Variants in CORIN observed in about 807,000 individuals in gnomAD.
CORIN encodes the protein atrial natriuretic peptide-converting enzyme.
CORIN carries 117 observed loss-of-function variants against 125.3 expected under a neutral mutation model. That is an observed-to-expected ratio of 0.93 (90% CI 0.80 to 1.09). The LOEUF (loss-of-function observed/expected upper bound fraction) is 1.09, where lower values mean the gene tolerates loss of function less well. Among genes scored for constraint, CORIN ranks in the 50% least tolerant of loss-of-function variants. CORIN has a pLI of 0.00. For synonymous variants in CORIN, 450 were observed against 466.4 expected (o/e 0.96, Z 0.45); for missense variants, 1,253 against 1,306.7 (o/e 0.96, Z 0.63).
intron 5 of CORIN, among the ~76,000 whole-genome samples, chr4:47,695,066 A>T (rs1176878566): frequency 2.0e-5 from 3 of 152,208 alleles, no homozygotes; most frequent in Non-Finnish European, 4.4e-5. Flanking sequence ...TCAACTGCCA[A>T]AATATCCAAC....
chr4:47,695,041 T>C (rs1240476202), intron 5 of CORIN, among the ~76,000 whole-genome samples: 1 of 152,170 alleles, frequency 6.6e-6, no homozygotes, highest in Non-Finnish European at 1.5e-5. Flanking sequence ...TCAATACAAA[T>C]TACATCTATG....
At chr4:47,698,221 C>T (rs1325598793) in intron 5 of CORIN, among the ~76,000 whole-genome samples, 2 of 151,572 alleles carry the variant, frequency 1.3e-5, no homozygotes, top group East Asian at 1.9e-4. Context: ...GAAGAGAGTA[C>T]TGCAGGGTAA....
intron 19 of CORIN, among the ~76,000 whole-genome samples, chr4:47,623,135 C>T (rs114676666): frequency 1.6e-4 from 24 of 149,394 alleles, no homozygotes; most frequent in African/African-American, 5.7e-4. Flanking sequence ...CACACACACT[C>T]TCTCTGAATA....
chr4:47,773,984 G>A (rs1382682107), intron 3 of CORIN, among the ~76,000 whole-genome samples: 1 of 151,696 alleles, frequency 6.6e-6, no homozygotes, highest in East Asian at 1.9e-4. Flanking sequence ...TTTTCATATT[G>A]TCTTTGCTTT....
chr4:47,676,572 T>C (rs1053379111), intron 9 of CORIN, among the ~76,000 whole-genome samples: 3 of 152,204 alleles, frequency 2.0e-5, no homozygotes, highest in Non-Finnish European at 4.4e-5. Context: ...CCCAGGAGTC[T>C]GCAAGCTCCA....
Position 47,623,691 on chromosome 4 carries a change from G to A in CORIN, c.2420C>T (p.Thr807Met), listed in dbSNP as rs536003106. 27 of 1,614,202 alleles carry A rather than the reference G, an allele frequency of 1.7e-5. No individual in the cohort carries two copies. The African/African-American group carries it at 1.7e-4, about 10-fold the overall frequency. ...RMNKRILGGR[T>M]SRPGRWPWQC... ...CCATGGCCACCTTCCAGGGCGACTC[G>A]TCCGACCTCCAAGGATCCTTTTGTT... Residue 807 changes from threonine to methionine, a missense_variant, in exon 19 of 22, where the codon ACG becomes ATG. By Grantham distance (81) the Thr-to-Met change is moderately conservative (BLOSUM62 -1). Transcript: ENST00000273857.
At chr4:47,774,849 A>G (rs1730220908) in intron 3 of CORIN, among the ~76,000 whole-genome samples, 1 of 152,226 alleles carries the variant, frequency 6.6e-6, no homozygotes, top group Admixed American at 6.5e-5. Flanking sequence ...AAAATAAGCC[A>G]GTCACAAAAG....
intron 2 of CORIN, among the ~76,000 whole-genome samples, chr4:47,798,746 A>T (rs747251571): frequency 6.6e-6 from 1 of 152,066 alleles, no homozygotes; most frequent in Admixed American, 6.6e-5. Flanking sequence ...AAGTTGTAAC[A>T]TGTGTATATT....
chr4:47,719,110 T>C (rs1048437019), intron 5 of CORIN, among the ~76,000 whole-genome samples: 3 of 152,200 alleles, frequency 2.0e-5, no homozygotes, highest in East Asian at 3.8e-4. Flanking sequence ...CCAACTGATA[T>C]GCCAGGAAAT....
chr4:47,765,077 C>T (rs1314976811), intron 3 of CORIN, among the ~76,000 whole-genome samples: 7 of 151,996 alleles, frequency 4.6e-5, no homozygotes, highest in South Asian at 2.1e-4. Context: ...TTTGGGAGGC[C>T]GAGGCAGGCA....
rs189508735 is a variant in CORIN, at chr4:47,608,141, C to G, written c.2541-4473G>C. ...TTCAAGGCCAGCCTGGCCAGCATGG[C>G]AAAACCCCATTTCTACAAAAAATAC... On this transcript the variant is annotated intron_variant, in intron 19 of 21. Coordinates refer to ENST00000273857, the MANE Select transcript of CORIN (RefSeq NM_006587.4). Among the ~76,000 whole-genome samples, 5 of 151,922 alleles carry G rather than the reference C, an allele frequency of 3.3e-5. 1 individual carries two copies. Among genetic ancestry groups the G allele is most frequent in the African/African-American group, 1.2e-4 (5 of 41,422 alleles).
intron 4 of CORIN, among the ~76,000 whole-genome samples, chr4:47,745,623 T>C (rs1052430097): frequency 6.6e-6 from 1 of 152,190 alleles, no homozygotes; most frequent in African/African-American, 2.4e-5. Flanking sequence ...TCCTGGTGTT[T>C]CAAGTTTCAG....
Position 47,623,426 on chromosome 4 carries a change from C to T in CORIN, c.2540+145G>A, listed in dbSNP as rs138741732. ...AGATGGCAACATCAAGGATAGAAAA[C>T]TTTAGGAAGATAAAGGCCTGGGAAG... On this transcript the variant is annotated intron_variant, in intron 19 of 21. Coordinates refer to ENST00000273857, the MANE Select transcript of CORIN (RefSeq NM_006587.4). 6.2e-4 allele frequency: 501 copies of T among 812,684 alleles called. 3 individuals are homozygous for T. The African/African-American group carries it at 7.7e-3, about 12-fold the overall frequency. 50.3% of individuals were successfully genotyped at this position (812,684 alleles called of 1,614,324 possible).
chr4:47,627,569 A>C (rs1174541129), intron 16 of CORIN, among the ~76,000 whole-genome samples: 1 of 152,198 alleles, frequency 6.6e-6, no homozygotes, highest in African/African-American at 2.4e-5. Flanking sequence ...CGAAGATATC[A>C]AAAAAACCTC....
intron 5 of CORIN, among the ~76,000 whole-genome samples, chr4:47,737,690 A>G (rs570040691): frequency 6.6e-6 from 1 of 152,272 alleles, no homozygotes; most frequent in Admixed American, 6.5e-5. Context: ...ACCAAACTCC[A>G]TCTCAGTTAC....
intron 4 of CORIN, among the ~76,000 whole-genome samples, chr4:47,754,954 G>GA (rs1299960935): frequency 6.6e-6 from 1 of 152,156 alleles, no homozygotes; most frequent in East Asian, 1.9e-4. Context: ...GAGTTTTTGA[G>GA]AAAACCTATG....
intron 4 of CORIN, among the ~76,000 whole-genome samples, chr4:47,759,340 A>G (rs1729339988): frequency 6.6e-6 from 1 of 152,206 alleles, no homozygotes; most frequent in African/African-American, 2.4e-5. Context: ...CAAAAGCTCA[A>G]ACATCAAAAG....
At chr4:47,822,994 T>C (rs936895688) in intron 1 of CORIN, among the ~76,000 whole-genome samples, 51 of 152,244 alleles carry the variant, frequency 3.3e-4, no homozygotes, top group African/African-American at 1.1e-3. Flanking sequence ...TTCTGTATTT[T>C]TAGTAGAGAC....
At chr4:47,597,564 C>T (rs940925849) in intron 21 of CORIN, among the ~76,000 whole-genome samples, 4 of 151,854 alleles carry the variant, frequency 2.6e-5, no homozygotes, top group African/African-American at 4.8e-5. Flanking sequence ...AATGCTTAGA[C>T]GAAAAAGAAA....
Sources: gnomAD v4.1 joint callset for allele counts (sites outside exome capture counted in the v4.1 genomes callset) on GRCh38, gnomAD v4.1.1 for gene constraint, MANE v1.5 for transcripts, NCBI Gene and HGNC (gene_info 2026-07-23, HGNC 2026-07-21) for gene names.